Variants in GAREM1 observed in about 807,000 individuals in gnomAD.
GAREM1 encodes GRB2-associated and regulator of MAPK protein 1.
Under a neutral mutation model 71.3 loss-of-function variants are expected in GAREM1, and 26 were observed. The observed-to-expected ratio is 0.36, with a 90% CI of 0.27 to 0.51. The LOEUF (loss-of-function observed/expected upper bound fraction) is 0.51. GAREM1 is among the 20% of genes least tolerant of loss of function. GAREM1 has a pLI of 0.95. For synonymous variants in GAREM1, 440 were observed against 433.2 expected, an observed-to-expected ratio of 1.02 and a Z score of -0.20; for missense variants, 1,026 against 1,103.1, an observed-to-expected ratio of 0.93 and a Z score of 0.99.
At chr18:32,379,357 C>G (rs1361926520) in intron 2 of GAREM1, among the ~76,000 whole-genome samples, 1 of 151,092 alleles carries the variant, frequency 6.6e-6, no homozygotes, top group Non-Finnish European at 1.5e-5. Flanking sequence ...TGGAGTCTCT[C>G]CTTCCTAGAC....
At chr18:32,308,069 C>T (rs1172474216) in intron 3 of GAREM1, among the ~76,000 whole-genome samples, 1 of 152,048 alleles carries the variant, frequency 6.6e-6, no homozygotes, top group Non-Finnish European at 1.5e-5. Context: ...GTGATGGCAC[C>T]TTAAAACTCC....
At chr18:32,339,867 G>A (rs1044541789) in intron 2 of GAREM1, among the ~76,000 whole-genome samples, 2 of 152,180 alleles carry the variant, frequency 1.3e-5, no homozygotes, top group Admixed American at 1.3e-4. Flanking sequence ...CCATCCGAAT[G>A]TTTCCTGAAG....
At chr18:32,329,245 A>C (rs2047504393) in intron 2 of GAREM1, among the ~76,000 whole-genome samples, 1 of 152,010 alleles carries the variant, frequency 6.6e-6, no homozygotes, top group Admixed American at 6.6e-5. Context: ...GTGTAGTGGC[A>C]AGTGTCTATA....
Position 32,459,318 on chromosome 18 carries a change from T to C in GAREM1, c.121+10990A>G, listed in dbSNP as rs1356219489. Among the ~76,000 whole-genome samples the C allele has an allele frequency of 3.3e-5, 5 of 151,940 alleles. No individual in the cohort carries two copies. The East Asian group carries it at 7.7e-4, about 23-fold the overall frequency. ...AACAAAATAAACTCTCTGTGTTGTA[T>C]AAGCCGCTATTTTTTTTTTTCATCT... On this transcript the variant is annotated intron_variant, in intron 1 of 5. Transcript: ENST00000269209.
rs201308421 is a variant in GAREM1, at chr18:32,407,982, T to TA, written c.122-14948_122-14947insT. 8.6e-3 allele frequency among the ~76,000 whole-genome samples: 1,305 copies of TA among 150,908 alleles called. 23 individuals are homozygous for TA. The highest frequency in any genetic ancestry group is 0.03 in the African/African-American group (1,228 of 40,978). Reference sequence around the variant, plus strand: ...AAAACTAGAGTTTTGTCTTTTTTTTTTAAAAAAAAACTAACTCTACTAAAG... The same window carrying TA: ...AAAACTAGAGTTTTGTCTTTTTTTTTATAAAAAAAAACTAACTCTACTAAAG... On this transcript the variant is annotated intron_variant, in intron 1 of 5. Transcript: ENST00000269209.
At chr18:32,325,061 C>T (rs942625811) in intron 2 of GAREM1, among the ~76,000 whole-genome samples, 25 of 152,250 alleles carry the variant, frequency 1.6e-4, no homozygotes, top group African/African-American at 5.3e-4. Context: ...CTGGTTCAAG[C>T]AATTCTCCTG....
chr18:32,302,540 G>A lies in GAREM1; in HGVS notation c.393+7653C>T, dbSNP rs560393429. Among the ~76,000 whole-genome samples the A allele has an allele frequency of 3.3e-5, 5 of 152,250 alleles. No individual in the cohort carries two copies. In the East Asian group the frequency reaches 9.7e-4, roughly 29 times the overall value. ...AATACTATTCAGCTTTAAAAAGGAGGAAAATCGTGTTATCTGTGGCAACAT... is the reference window on the plus strand; with the variant it reads ...AATACTATTCAGCTTTAAAAAGGAGAAAAATCGTGTTATCTGTGGCAACAT... On this transcript the variant is annotated intron_variant, in intron 3 of 5. Transcript: ENST00000269209.
intron 2 of GAREM1, among the ~76,000 whole-genome samples, chr18:32,336,386 C>T (rs1216056450): frequency 1.3e-5 from 2 of 148,934 alleles, no homozygotes; most frequent in South Asian, 2.1e-4. Flanking sequence ...GCGAAGATCG[C>T]GCCACTGCAC....
chr18:32,361,430 T>C (rs969842717), intron 2 of GAREM1, among the ~76,000 whole-genome samples: 3 of 152,228 alleles, frequency 2.0e-5, no homozygotes, highest in Admixed American at 6.5e-5. Flanking sequence ...TTTTTGGATA[T>C]TTGTTTTGCC....
At chr18:32,453,114 G>A (rs565363106) in intron 1 of GAREM1, among the ~76,000 whole-genome samples, 40 of 152,158 alleles carry the variant, frequency 2.6e-4, no homozygotes, top group Non-Finnish European at 5.3e-4. Context: ...GGTGGAAAGT[G>A]AAAGGCACGT....
intron 2 of GAREM1, among the ~76,000 whole-genome samples, chr18:32,360,846 C>T (rs1396035535): frequency 6.6e-6 from 1 of 152,182 alleles, no homozygotes; most frequent in African/African-American, 2.4e-5. Flanking sequence ...TTGTTCTTCA[C>T]TTCATGTTCC....
At chr18:32,398,675 A>C (rs975035501) in intron 1 of GAREM1, among the ~76,000 whole-genome samples, 4 of 152,176 alleles carry the variant, frequency 2.6e-5, no homozygotes, top group Admixed American at 2.6e-4. Context: ...GCAATAATTA[A>C]TAGCTTACCA....
In GAREM1 at chr18:32,287,884, T is replaced by C. The variant is rs2047042555; in HGVS notation, c.713A>G (p.Asn238Ser). Residue 238 changes from asparagine to serine, a missense_variant, in exon 4 of 6, where the codon AAC becomes AGC. Physicochemically the swap from Asn to Ser is conservative, Grantham distance 46. This residue lies in a region of GAREM1 where 218 missense variants were observed against 296.8 expected (regional missense o/e 0.73). Coordinates refer to ENST00000269209, the MANE Select transcript of GAREM1 (RefSeq NM_001242409.2). The surrounding 1 kb of genome is among the most constrained non-coding windows in gnomAD (Gnocchi z 5.9). ...QMQEGEHTIR[N>S]IVEKTRLPVN... is the part of the protein sequence containing the mutation. ...AGGAAGCCTGGTTTTCTCCACAATG[T>C]TGCGGATGGTGTGTTCGCCCTCTTG... 5 of 1,613,882 alleles carry C rather than the reference T, an allele frequency of 3.1e-6. No homozygotes were observed. In the South Asian group the frequency reaches 5.5e-5, roughly 18 times the overall value.
At chr18:32,408,083 GT>G (rs1301649300) in intron 1 of GAREM1, among the ~76,000 whole-genome samples, 2 of 151,912 alleles carry the variant, frequency 1.3e-5, no homozygotes, top group African/African-American at 4.8e-5. Context: ...GGTTTGGTAT[GT>G]AATTTTTTCC....
At chr18:32,327,886 T>C (rs748323362) in intron 2 of GAREM1, among the ~76,000 whole-genome samples, 3 of 152,186 alleles carry the variant, frequency 2.0e-5, no homozygotes, top group South Asian at 4.1e-4. Context: ...TGTTGATACC[T>C]ACTTCATGGG....
intron 2 of GAREM1, among the ~76,000 whole-genome samples, chr18:32,363,919 T>TA (rs201767247): frequency 5.3e-5 from 6 of 112,914 alleles, no homozygotes; most frequent in African/African-American, 1.2e-4. Flanking sequence ...CACACACACA[T>TA]AAAAAAATAT....
At chr18:32,446,556 A>T (rs1368033240) in intron 1 of GAREM1, among the ~76,000 whole-genome samples, 2 of 152,184 alleles carry the variant, frequency 1.3e-5, no homozygotes, top group African/African-American at 4.8e-5. Context: ...AAGTTTATTA[A>T]TTTCCCAAGT....
At chr18:32,451,635 T>C (rs1367660992) in intron 1 of GAREM1, among the ~76,000 whole-genome samples, 1 of 152,234 alleles carries the variant, frequency 6.6e-6, no homozygotes, top group Non-Finnish European at 1.5e-5. Flanking sequence ...AGAGGCCCTC[T>C]TTCTCTTTGA....
In GAREM1 at chr18:32,470,461, G is replaced by T; in HGVS notation, c.-33C>A. On this transcript the variant is annotated 5_prime_UTR_variant, in exon 1 of 6. Transcript: ENST00000269209. The surrounding 1 kb of genome is among the most constrained non-coding windows in gnomAD (Gnocchi z 4.4). ...GAAGCCTCCTGTCCCGCGCTCCCCC[G>T]CCGCCGCCACCGGCACCACCCGCGC... 7.8e-7 allele frequency: 1 copy of T among 1,283,412 alleles called. No homozygotes were observed. 79.5% of individuals were successfully genotyped at this position (1,283,412 alleles called of 1,614,324 possible). A position where few individuals can be genotyped will look rare whatever the true frequency, so the allele number is the denominator to read the frequency against.
Sources: allele counts gnomAD v4.1 joint callset (sites outside exome capture counted in the v4.1 genomes callset), GRCh38; gene constraint gnomAD v4.1.1; regional missense constraint gnomAD v4.1.1; non-coding constraint Gnocchi (gnomAD v3.1); transcripts MANE v1.5; gene names NCBI Gene and HGNC (gene_info 2026-07-23, HGNC 2026-07-21).